The following CPNE4 variants were observed in gnomAD, a reference collection of about 807,000 sequenced individuals.
The protein encoded by CPNE4 is copine 4, also known as copine-4.
Under a neutral mutation model 67.9 loss-of-function variants are expected in CPNE4, and 25 were observed. The observed-to-expected ratio is 0.37, with a 90% CI of 0.27 to 0.51. The LOEUF is 0.51. CPNE4 is among the 20% of genes least tolerant of loss of function. CPNE4 has a pLI of 0.93. For synonymous variants in CPNE4, 242 were observed against 244.9 expected (o/e 0.99, Z 0.11); for missense variants, 464 against 690.8 (o/e 0.67, Z 3.68).
chr3:131,636,903 G>A (rs976116346), intron 7 of CPNE4, among the ~76,000 whole-genome samples: 1 of 152,196 alleles, frequency 6.6e-6, no homozygotes, highest in African/African-American at 2.4e-5. Context: ...AAAGAGCCCA[G>A]TAGCTCTGCT....
intron 1 of CPNE4, among the ~76,000 whole-genome samples, chr3:131,916,010 T>G (rs951021087): frequency 2.0e-5 from 3 of 152,198 alleles, no homozygotes; most frequent in African/African-American, 7.2e-5. Flanking sequence ...ACAGAAAGTT[T>G]TAAGAGTTAA....
chr3:131,701,147 G>T (rs374280051), intron 3 of CPNE4, among the ~76,000 whole-genome samples: 55 of 151,292 alleles, frequency 3.6e-4, no homozygotes, highest in African/African-American at 1.2e-3. Flanking sequence ...TAATGTAAAT[G>T]ATGAGTTAAT....
At chr3:131,672,608 T>G (rs2080448696) in intron 6 of CPNE4, among the ~76,000 whole-genome samples, 1 of 152,156 alleles carries the variant, frequency 6.6e-6, no homozygotes. Flanking sequence ...CCTTTTCACA[T>G]ATCTATTTGC....
intron 1 of CPNE4, among the ~76,000 whole-genome samples, chr3:131,941,593 C>T (rs551946200): frequency 1.4e-4 from 22 of 152,120 alleles, no homozygotes; most frequent in African/African-American, 4.8e-4. Flanking sequence ...CCATGCAGCA[C>T]ATCTGTTGTA....
chr3:131,562,070 TAAA>T (rs1273663831), intron 11 of CPNE4, among the ~76,000 whole-genome samples: 1 of 152,058 alleles, frequency 6.6e-6, no homozygotes, highest in East Asian at 1.9e-4. Context: ...CTTACTCTAT[TAAA>T]AATTTTAAAA....
At chr3:131,941,465 T>G (rs186348568) in intron 1 of CPNE4, among the ~76,000 whole-genome samples, 2 of 152,188 alleles carry the variant, frequency 1.3e-5, no homozygotes, top group South Asian at 2.1e-4. Context: ...ATATCTTTTT[T>G]ATAAGAGCTG....
chr3:131,628,494 C>G (rs1000677741), intron 7 of CPNE4, among the ~76,000 whole-genome samples: 3 of 152,272 alleles, frequency 2.0e-5, no homozygotes, highest in Non-Finnish European at 4.4e-5. Context: ...CCTTGTACCT[C>G]TGGTAGAATT....
At chr3:131,605,314 T>C (rs58560258) in intron 7 of CPNE4, among the ~76,000 whole-genome samples, 2,937 of 152,224 alleles carry the variant, frequency 0.019, 37 homozygotes, top group East Asian at 0.043. Context: ...CTTTGTTACA[T>C]GGGGTATGAA....
chr3:131,698,233 CAAA>C (rs369274504), intron 4 of CPNE4, among the ~76,000 whole-genome samples: 3,978 of 64,442 alleles, frequency 0.062, 121 homozygotes, highest in Middle Eastern at 0.1. Context: ...GGCTCTGTCT[CAAA>C]AAAAAAAAAA....
chr3:131,764,156 T>G (rs1169394644), intron 2 of CPNE4, among the ~76,000 whole-genome samples: 1 of 152,002 alleles, frequency 6.6e-6, no homozygotes, highest in Admixed American at 6.6e-5. Flanking sequence ...CAAACTCTAT[T>G]TATGTTATCT....
chr3:131,597,622 A>C (rs1264679586), intron 7 of CPNE4, among the ~76,000 whole-genome samples: 1 of 152,162 alleles, frequency 6.6e-6, no homozygotes, highest in African/African-American at 2.4e-5. Flanking sequence ...CACAATTCTC[A>C]CAGTTAAAGG....
Position 131,547,455 on chromosome 3 carries a change from C to CAAAAAAAAAAAAAAAAA in CPNE4, c.1302+2475_1302+2491dup, listed in dbSNP as rs56412825. ...TGGGTGATAGACCAAGACCCTGTCG[C>CAAAAAAAAAAAAAAAAA]AAAAAAAAAAAAAAAAAAAAAAAAA... On this transcript the variant is annotated intron_variant, in intron 14 of 15. Transcript: ENST00000429747. Among the ~76,000 whole-genome samples, 17 of 36,544 alleles carry CAAAAAAAAAAAAAAAAA rather than the reference C, an allele frequency of 4.7e-4. 8 individuals are homozygous for CAAAAAAAAAAAAAAAAA. The highest frequency in any genetic ancestry group is 1.6e-3 in the Admixed American group (4 of 2,534). The allele number at this position is 36,544 out of a possible 152,430, so 24.0% of individuals were successfully genotyped here.
chr3:131,978,650 T>G (rs1316679338), intron 1 of CPNE4, among the ~76,000 whole-genome samples: 1 of 142,832 alleles, frequency 7.0e-6, no homozygotes, highest in Non-Finnish European at 1.5e-5. Flanking sequence ...AACCAGCTTT[T>G]TGTTTCATTT....
intron 1 of CPNE4, among the ~76,000 whole-genome samples, chr3:131,960,602 TA>T (rs760899410): frequency 9.9e-5 from 15 of 152,196 alleles, no homozygotes; most frequent in Non-Finnish European, 1.3e-4. Context: ...TTGAACATTA[TA>T]AAATGTTAAG....
At chr3:131,834,587 A>G (rs2085488184) in intron 2 of CPNE4, among the ~76,000 whole-genome samples, 1 of 152,184 alleles carries the variant, frequency 6.6e-6, no homozygotes, top group Admixed American at 6.5e-5. Context: ...AGAGAAAAAA[A>G]AATCAAGTTA....
At chr3:131,863,729 T>G (rs2107675042) in intron 2 of CPNE4, among the ~76,000 whole-genome samples, 1 of 152,354 alleles carries the variant, frequency 6.6e-6, no homozygotes, top group Non-Finnish European at 1.5e-5. Context: ...ATTTGTCAAT[T>G]TTGGCTTTTG....
intron 7 of CPNE4, among the ~76,000 whole-genome samples, chr3:131,608,091 T>C (rs899339199): frequency 5.3e-5 from 8 of 152,216 alleles, no homozygotes; most frequent in Non-Finnish European, 1.2e-4. Context: ...TAGGTAAAAC[T>C]CATAGTGACA....
At chr3:131,952,492 A>T (rs866588526) in intron 1 of CPNE4, among the ~76,000 whole-genome samples, 222 of 84,664 alleles carry the variant, frequency 2.6e-3, no homozygotes, top group South Asian at 4.9e-3. Flanking sequence ...GCGCCCCGCC[A>T]GGCCAGCCGC....
chr3:131,684,977 A>T (rs1291800399), intron 6 of CPNE4, among the ~76,000 whole-genome samples: 1 of 152,204 alleles, frequency 6.6e-6, no homozygotes, highest in Non-Finnish European at 1.5e-5. Context: ...CTGCTAAGAA[A>T]GGTCAGGTGT....
Sources: gnomAD v4.1 joint callset for allele counts (sites outside exome capture counted in the v4.1 genomes callset) on GRCh38, gnomAD v4.1.1 for gene constraint, MANE v1.5 for transcripts, NCBI Gene and HGNC (gene_info 2026-07-23, HGNC 2026-07-21) for gene names.